The following BCAS3 variants were observed in gnomAD, a reference collection of about 807,000 sequenced individuals.
BCAS3 encodes BCAS4/BCAS3 fusion.
Under a neutral mutation model 116.1 loss-of-function variants are expected in BCAS3, and 53 were observed. The observed-to-expected ratio is 0.46, with a 90% CI of 0.37 to 0.57. BCAS3 has a LOEUF of 0.57. BCAS3 is among the 20% of genes least tolerant of loss of function. BCAS3 has a pLI of 0.00. For synonymous variants in BCAS3, 391 were observed against 408.2 expected, an observed-to-expected ratio of 0.96 and a Z score of 0.51; for missense variants, 917 against 1,165.4, an observed-to-expected ratio of 0.79 and a Z score of 3.10.
intron 22 of BCAS3, among the ~76,000 whole-genome samples, chr17:61,334,003 A>C (rs2056504556): frequency 6.6e-6 from 1 of 152,180 alleles, no homozygotes; most frequent in Non-Finnish European, 1.5e-5. Flanking sequence ...ATTCATTCAG[A>C]TATTAATTCA....
At chr17:60,910,476 C>A in intron 11 of BCAS3, 56 bp from the exon 12 acceptor site, 1 of 1,351,600 alleles carries the variant, frequency 7.4e-7, no homozygotes, top group Non-Finnish European at 9.9e-7. Flanking sequence ...ATGCGTATTT[C>A]TATGTAGAAT....
chr17:60,923,761 TAAGAG>T (rs533441243), intron 12 of BCAS3, among the ~76,000 whole-genome samples: 68 of 152,240 alleles, frequency 4.5e-4, no homozygotes, highest in Admixed American at 3.7e-3. Flanking sequence ...CCTTAAAAAT[TAAGAG>T]GAGTGAATAA....
intron 14 of BCAS3, among the ~76,000 whole-genome samples, chr17:60,968,716 C>G (rs1051077020): frequency 5.9e-5 from 9 of 152,044 alleles, no homozygotes; most frequent in Admixed American, 5.9e-4. Context: ...TGCCCAGGGA[C>G]CTTTGTAATG....
At chr17:60,985,708 T>C (rs2063101790) in intron 14 of BCAS3, among the ~76,000 whole-genome samples, 1 of 152,068 alleles carries the variant, frequency 6.6e-6, no homozygotes, top group South Asian at 2.1e-4. Context: ...ATCCTTCTAC[T>C]CTCTATCTCC....
At chr17:60,849,229 A>C (rs1157358924) in intron 7 of BCAS3, among the ~76,000 whole-genome samples, 1 of 152,078 alleles carries the variant, frequency 6.6e-6, no homozygotes, top group African/African-American at 2.4e-5. Context: ...CTTGAGACAG[A>C]ATTTTTTTGA....
intron 11 of BCAS3, among the ~76,000 whole-genome samples, chr17:60,909,342 A>G (rs1348294386): frequency 6.6e-6 from 1 of 152,190 alleles, no homozygotes. Flanking sequence ...TAAAATTTGA[A>G]ATACCATGTA....
At chr17:60,942,861 A>G (rs2060296586) in intron 13 of BCAS3, among the ~76,000 whole-genome samples, 1 of 152,154 alleles carries the variant, frequency 6.6e-6, no homozygotes, top group Non-Finnish European at 1.5e-5. Flanking sequence ...AGCAAGGTAA[A>G]CGTAGAAACC....
intron 7 of BCAS3, among the ~76,000 whole-genome samples, chr17:60,853,849 T>A (rs185681187): frequency 7.9e-4 from 120 of 152,332 alleles, no homozygotes; most frequent in Non-Finnish European, 1.4e-3. Context: ...ACCTCATTCC[T>A]TTTTATTGCT....
At chr17:61,107,662 C>A (rs1377437443) in intron 22 of BCAS3, among the ~76,000 whole-genome samples, 1 of 152,158 alleles carries the variant, frequency 6.6e-6, no homozygotes, top group Non-Finnish European at 1.5e-5. Context: ...CTTTGAGGTC[C>A]ATCCAAGTTA....
At chr17:60,778,408 A>G (rs950475560) in intron 6 of BCAS3, among the ~76,000 whole-genome samples, 3 of 152,108 alleles carry the variant, frequency 2.0e-5, no homozygotes, top group Non-Finnish European at 2.9e-5. Context: ...GCTTGTTTCA[A>G]TTTGTGGTGC....
intron 22 of BCAS3, among the ~76,000 whole-genome samples, chr17:61,170,124 G>T (rs906927544): frequency 3.3e-5 from 5 of 152,062 alleles, no homozygotes; most frequent in African/African-American, 1.2e-4. Context: ...AAACTGCTGT[G>T]ATTAGAGGTG....
intron 15 of BCAS3, among the ~76,000 whole-genome samples, chr17:61,010,297 A>G (rs2065023206): frequency 6.6e-6 from 1 of 151,960 alleles, no homozygotes; most frequent in African/African-American, 2.4e-5. Flanking sequence ...CATAAGTAAG[A>G]TGGTATTTTG....
rs1004500912 is a variant in BCAS3, at chr17:61,392,201, C to T, written c.*76C>T. 1 of 1,494,572 alleles carries T rather than the reference C, an allele frequency of 6.7e-7. No individual in the cohort carries two copies. Among genetic ancestry groups the T allele is most frequent in the Non-Finnish European group, 9.1e-7 (1 of 1,101,216 alleles). 92.6% of individuals were successfully genotyped at this position (1,494,572 alleles called of 1,614,324 possible). A position where few individuals can be genotyped will look rare whatever the true frequency, so the allele number is the denominator to read the frequency against. ...GGGAGAAGCCCCGCTCTGGTCCTAC[C>T]CTTCAGTCTCTGCTCTTCCTTCATC... On this transcript the variant is annotated 3_prime_UTR_variant, in exon 24 of 24. Coordinates refer to ENST00000407086, the MANE Select transcript of BCAS3 (RefSeq NM_017679.5). This position sits in a 1 kb window ranked among gnomAD's most constrained non-coding sequence, Gnocchi z 6.4.
At chr17:60,714,079 T>C (rs59590204) in intron 5 of BCAS3, among the ~76,000 whole-genome samples, 4,758 of 152,112 alleles carry the variant, frequency 0.031, 212 homozygotes, top group African/African-American at 0.09. Flanking sequence ...TCAAGTGATC[T>C]ACCTGCCTTG....
At chr17:60,896,776 AT>A (rs2057543407) in intron 10 of BCAS3, among the ~76,000 whole-genome samples, 2 of 151,954 alleles carry the variant, frequency 1.3e-5, no homozygotes, top group African/African-American at 4.8e-5. Flanking sequence ...AAAAAAATCC[AT>A]TTAGTTATTC....
intron 8 of BCAS3, among the ~76,000 whole-genome samples, chr17:60,874,089 G>C (rs2055368157): frequency 6.6e-6 from 1 of 151,812 alleles, no homozygotes; most frequent in African/African-American, 2.4e-5. Flanking sequence ...TATTTTTAGA[G>C]ACAAGATCTT....
At chr17:60,974,585 A>G (rs540888760) in intron 14 of BCAS3, among the ~76,000 whole-genome samples, 1 of 152,216 alleles carries the variant, frequency 6.6e-6, no homozygotes, top group Non-Finnish European at 1.5e-5. Context: ...TTAAAGAACA[A>G]ATATCTTAGC....
chr17:60,731,459 C>T (rs565190620), intron 5 of BCAS3, among the ~76,000 whole-genome samples: 8 of 152,114 alleles, frequency 5.3e-5, no homozygotes, highest in Non-Finnish European at 8.8e-5. Context: ...GTGATCTGCC[C>T]ACCTCACCCT....
Position 60,874,746 on chromosome 17 carries a change from C to T in BCAS3, c.661+8C>T. On this transcript the variant is annotated splice_region_variant and intron_variant, in intron 9 of 23. Transcript: ENST00000407086. ...AGAAATTCTTTGTTACAAGTATGTACCAATTTTTTTTCCCTTCTTATGCCT... is the reference window on the plus strand; with the variant it reads ...AGAAATTCTTTGTTACAAGTATGTATCAATTTTTTTTCCCTTCTTATGCCT... The T allele has an allele frequency of 6.3e-7, 1 of 1,598,214 alleles. No homozygotes were observed. Among genetic ancestry groups the T allele is most frequent in the Non-Finnish European group, 8.6e-7 (1 of 1,169,368 alleles).
Sources: allele counts gnomAD v4.1 joint callset (sites outside exome capture counted in the v4.1 genomes callset), GRCh38; gene constraint gnomAD v4.1.1; non-coding constraint Gnocchi (gnomAD v3.1); transcripts MANE v1.5; gene names NCBI Gene and HGNC (gene_info 2026-07-23, HGNC 2026-07-21).